Variants in NUDT2 observed in about 807,000 individuals in gnomAD.
NUDT2 encodes the protein bis(5'-nucleosyl)-tetraphosphatase [asymmetrical].
Under a neutral mutation model 14.2 loss-of-function variants are expected in NUDT2, and 12 were observed. The ratio of observed to expected loss-of-function variants is 0.84; its 90% CI spans 0.54 to 1.37. The LOEUF (loss-of-function observed/expected upper bound fraction) is 1.37, where lower values mean the gene tolerates loss of function less well. Ranked by LOEUF, NUDT2 falls within the 40% of genes most tolerant of loss-of-function variation. The pLI is 0.00. For missense variants in NUDT2, 167 were observed against 176.7 expected (o/e 0.95, Z 0.31); for synonymous variants, 67 against 67.4 (o/e 0.99, Z 0.03).
chr9:34,332,442 G>T (rs775227887), intron 1 of NUDT2, among the ~76,000 whole-genome samples: 1 of 152,206 alleles, frequency 6.6e-6, no homozygotes, highest in Non-Finnish European at 1.5e-5. Flanking sequence ...TCTCTAGGAA[G>T]TTGGTGCTTG....
At position 34,343,677 on chromosome 9, in the gene NUDT2, TA is replaced by T. The variant is rs1416957014; in HGVS notation, c.*240del. On this transcript the variant is annotated 3_prime_UTR_variant, in exon 5 of 5. Coordinates refer to ENST00000379158, the MANE Select transcript of NUDT2 (RefSeq NM_001161.5). ...CCCAGTAAGTGTACCTTGTACTTTA[TA>T]AATAAACCTCAAGCAGCTCAAGGTT... The T allele has an allele frequency of 4.5e-6, 2 of 447,012 alleles. No homozygotes were observed. Among genetic ancestry groups the T allele is most frequent in the Non-Finnish European group, 7.9e-6 (2 of 253,664 alleles). The allele number at this position is 447,012 out of a possible 1,614,324, so 27.7% of individuals were successfully genotyped here. A position where few individuals can be genotyped will look rare whatever the true frequency, so the allele number is the denominator to read the frequency against.
chr9:34,341,164 G>A (rs527256304), intron 4 of NUDT2, among the ~76,000 whole-genome samples: 132 of 152,286 alleles, frequency 8.7e-4, no homozygotes, highest in African/African-American at 2.9e-3. Flanking sequence ...ACTTGTCTCC[G>A]GATCACATGA....
At chr9:34,342,945 G>A (rs952675548) in intron 4 of NUDT2, among the ~76,000 whole-genome samples, 179 bp from the exon 5 acceptor site, 1 of 151,946 alleles carries the variant, frequency 6.6e-6, no homozygotes, top group Non-Finnish European at 1.5e-5. Flanking sequence ...AGGATCACTT[G>A]AGCCCAGGAA....
chr9:34,332,774 T>G (rs1245343894), intron 1 of NUDT2, among the ~76,000 whole-genome samples: 1 of 152,188 alleles, frequency 6.6e-6, no homozygotes, highest in African/African-American at 2.4e-5. Context: ...AAAGGTGCAT[T>G]TGAGGGAATA....
In NUDT2 at chr9:34,338,327, T is replaced by TAAAAAAAAAAAAAAAAAAAAAAA. The variant is rs61594121; in HGVS notation, c.-151-378_-151-356dup. Among the ~76,000 whole-genome samples the TAAAAAAAAAAAAAAAAAAAAAAA allele has an allele frequency of 2.1e-4, 7 of 33,734 alleles. 1 individual carries two copies. The highest frequency in any genetic ancestry group is 4.4e-4 in the Admixed American group (1 of 2,298). 22.1% of individuals were successfully genotyped at this position (33,734 alleles called of 152,430 possible). Reference sequence around the variant, plus strand: ...GGGCAATATAGTGAGACCCTGTCTCTAAAAAAAAAAAAAAAAAAAAAAAAA... The same window carrying TAAAAAAAAAAAAAAAAAAAAAAA: ...GGGCAATATAGTGAGACCCTGTCTCTAAAAAAAAAAAAAAAAAAAAAAAAAAAAAAAAAAAAAAAAAAAAAAAA... On this transcript the variant is annotated intron_variant, in intron 2 of 4. Coordinates refer to ENST00000379158, the MANE Select transcript of NUDT2 (RefSeq NM_001161.5).
At chr9:34,332,774 T>C (rs1245343894) in intron 1 of NUDT2, among the ~76,000 whole-genome samples, 1 of 152,188 alleles carries the variant, frequency 6.6e-6, no homozygotes, top group African/African-American at 2.4e-5. Flanking sequence ...AAAGGTGCAT[T>C]TGAGGGAATA....
At position 34,343,448 on chromosome 9, in the gene NUDT2, G is replaced by A. The variant is rs1231109012; in HGVS notation, c.*8G>A. 6.4e-7 allele frequency: 1 copy of A among 1,554,872 alleles called. No individual in the cohort carries two copies. Among genetic ancestry groups the A allele is most frequent in the Non-Finnish European group, 8.7e-7 (1 of 1,149,592 alleles). ...TGCTCCATAGAGGCCTGAGCTGACT[G>A]GAGCAGAGTCATTTGCTTCAGCAGG... On this transcript the variant is annotated 3_prime_UTR_variant, in exon 5 of 5. Transcript: ENST00000379158.
chr9:34,339,255 A>G (rs774816034), intron 4 of NUDT2, 89 bp downstream of exon 4: 10 of 1,517,466 alleles, frequency 6.6e-6, no homozygotes, highest in Non-Finnish European at 8.1e-6. Flanking sequence ...CTTAATTCCC[A>G]GTGACTGTGT....
At chr9:34,339,280 G>A (rs760158950) in intron 4 of NUDT2, 114 bp downstream of exon 4, 3 of 1,310,350 alleles carry the variant, frequency 2.3e-6, no homozygotes, top group Non-Finnish European at 2.1e-6. Context: ...AAAAGGGGTA[G>A]GGAAGGTAGG....
At chr9:34,333,078 C>G (rs540165660) in intron 1 of NUDT2, among the ~76,000 whole-genome samples, 3 of 152,258 alleles carry the variant, frequency 2.0e-5, no homozygotes, top group East Asian at 3.9e-4. Flanking sequence ...GGCAAATTTT[C>G]TGGACACTAG....
chr9:34,329,938 C>T (rs1837843903), intron 1 of NUDT2, among the ~76,000 whole-genome samples: 1 of 152,244 alleles, frequency 6.6e-6, no homozygotes, highest in African/African-American at 2.4e-5. Context: ...CTCCCTGGGC[C>T]TCAGTTTCAC....
intron 4 of NUDT2, among the ~76,000 whole-genome samples, chr9:34,339,466 T>C (rs899207732): frequency 6.6e-6 from 1 of 152,164 alleles, no homozygotes; most frequent in Non-Finnish European, 1.5e-5. Flanking sequence ...GGGCAGGGAA[T>C]TGGGGACCTT....
At chr9:34,342,798 CTT>C (rs1820224701) in intron 4 of NUDT2, among the ~76,000 whole-genome samples, 2 of 152,068 alleles carry the variant, frequency 1.3e-5, no homozygotes, top group Admixed American at 1.3e-4. Flanking sequence ...AGGAGGATGA[CTT>C]GAGGCCAGGA....
chr9:34,336,163 G>C (rs534803456), intron 1 of NUDT2, 66 bp from the exon 2 acceptor site: 1 of 151,948 alleles, frequency 6.6e-6, no homozygotes, highest in African/African-American at 2.4e-5. Context: ...CATTCCATGG[G>C]ACCTGAGGCA....
At chr9:34,330,185 C>G (rs1837857221) in intron 1 of NUDT2, among the ~76,000 whole-genome samples, 1 of 152,148 alleles carries the variant, frequency 6.6e-6, no homozygotes, top group Non-Finnish European at 1.5e-5. Context: ...GGGCGGATCA[C>G]GAGGTCAGGA....
chr9:34,329,820 T>C (rs1268173736), intron 1 of NUDT2, among the ~76,000 whole-genome samples: 4 of 151,596 alleles, frequency 2.6e-5, no homozygotes, highest in Non-Finnish European at 5.9e-5. Flanking sequence ...TCCCTGACTC[T>C]GAGCCTTGCT....
At chr9:34,336,177 G>A (rs1011133943) in intron 1 of NUDT2, 52 bp from the exon 2 acceptor site, 1 of 152,160 alleles carries the variant, frequency 6.6e-6, no homozygotes. Flanking sequence ...TGAGGCAGGA[G>A]CAAGGTACCC....
intron 4 of NUDT2, among the ~76,000 whole-genome samples, chr9:34,342,291 C>T (rs879775462): frequency 1.3e-5 from 2 of 152,194 alleles, no homozygotes; most frequent in African/African-American, 4.8e-5. Context: ...CTCATTCAGC[C>T]GTGCAGGGTT....
At chr9:34,334,525 T>C (rs1453648657) in intron 1 of NUDT2, among the ~76,000 whole-genome samples, 1 of 152,204 alleles carries the variant, frequency 6.6e-6, no homozygotes, top group Non-Finnish European at 1.5e-5. Flanking sequence ...TTCAGCTTTG[T>C]GGTCTCCAGA....
Sources: allele counts gnomAD v4.1 joint callset (sites outside exome capture counted in the v4.1 genomes callset), GRCh38; gene constraint gnomAD v4.1.1; transcripts MANE v1.5; gene names NCBI Gene and HGNC (gene_info 2026-07-23, HGNC 2026-07-21).